Variants in AKAP19 observed in about 807,000 individuals in gnomAD.
AKAP19 encodes the protein A-kinase anchoring protein 19.
the AKAP19 span, among the ~76,000 whole-genome samples, chr2:189,990,192 T>C: frequency 5.9e-5 from 9 of 152,162 alleles, no homozygotes; most frequent in Non-Finnish European, 8.8e-5. Context: ...AAAGCAGACA[T>C]TTTTGCCTTG....
chr2:189,951,356 C>G, the AKAP19 span, among the ~76,000 whole-genome samples: 2 of 152,000 alleles, frequency 1.3e-5, no homozygotes, highest in Admixed American at 1.3e-4. Context: ...CATGTGCCAG[C>G]GCACCCGGCT....
At chr2:190,171,010 G>T in the AKAP19 span, among the ~76,000 whole-genome samples, 1 of 152,040 alleles carries the variant, frequency 6.6e-6, no homozygotes, top group Admixed American at 6.6e-5. Context: ...CTATCTGATG[G>T]GCTCCCAGGA....
the AKAP19 span, among the ~76,000 whole-genome samples, chr2:189,983,948 T>A: frequency 6.0e-5 from 9 of 149,326 alleles, no homozygotes; most frequent in African/African-American, 2.0e-4. Context: ...AACCAGCAAG[T>A]TTTTTTTAGG....
chr2:190,071,176 G>T, the AKAP19 span, among the ~76,000 whole-genome samples: 12 of 152,252 alleles, frequency 7.9e-5, no homozygotes, highest in African/African-American at 2.6e-4. Flanking sequence ...GGCTGGACAT[G>T]GTGGCTCACA....
At chr2:190,133,202 C>A in the AKAP19 span, among the ~76,000 whole-genome samples, 2 of 131,802 alleles carry the variant, frequency 1.5e-5, no homozygotes, top group Non-Finnish European at 3.1e-5. Context: ...CACGCCACTG[C>A]ACTCCAGCCT....
the AKAP19 span, among the ~76,000 whole-genome samples, chr2:189,946,352 A>G: frequency 6.6e-6 from 1 of 152,210 alleles, no homozygotes; most frequent in Admixed American, 6.5e-5. Context: ...GCTCATGCCT[A>G]TAATCCCAAT....
the AKAP19 span, among the ~76,000 whole-genome samples, chr2:190,048,575 A>G: frequency 1.3e-5 from 2 of 152,236 alleles, no homozygotes; most frequent in Non-Finnish European, 2.9e-5. Flanking sequence ...TACAACTAGT[A>G]TATATCCATA....
chr2:189,899,365 C>T, the AKAP19 span, among the ~76,000 whole-genome samples: 2 of 152,168 alleles, frequency 1.3e-5, no homozygotes, highest in East Asian at 1.9e-4. Context: ...CTTAGTAATT[C>T]TGTTTTGTAT....
the AKAP19 span, among the ~76,000 whole-genome samples, chr2:189,925,274 G>T: frequency 6.6e-6 from 1 of 152,158 alleles, no homozygotes; most frequent in African/African-American, 2.4e-5. Context: ...TGTAATCCTC[G>T]GTGGTTTAGT....
the AKAP19 span, among the ~76,000 whole-genome samples, chr2:189,988,005 G>T: frequency 6.6e-6 from 1 of 151,946 alleles, no homozygotes; most frequent in East Asian, 1.9e-4. Flanking sequence ...GTGGATGGGG[G>T]TGGTGGCGGG....
chr2:190,159,341 T>G, the AKAP19 span, among the ~76,000 whole-genome samples: 1 of 152,216 alleles, frequency 6.6e-6, no homozygotes, highest in African/African-American at 2.4e-5. Context: ...AGTACTGTTG[T>G]GCTGAGCCTT....
the AKAP19 span, among the ~76,000 whole-genome samples, chr2:190,026,376 TG>T: frequency 6.6e-6 from 1 of 152,206 alleles, no homozygotes; most frequent in African/African-American, 2.4e-5. Context: ...ATCCCCACAA[TG>T]TAACTTTATC....
chr2:190,167,500 T>G, the AKAP19 span, among the ~76,000 whole-genome samples: 1 of 152,214 alleles, frequency 6.6e-6, no homozygotes, highest in African/African-American at 2.4e-5. Context: ...CATTTCAGCA[T>G]TAATTCAGAA....
At chr2:189,941,565 A>C in the AKAP19 span, among the ~76,000 whole-genome samples, 1 of 152,222 alleles carries the variant, frequency 6.6e-6, no homozygotes, top group Non-Finnish European at 1.5e-5. Context: ...AATATAAAAT[A>C]AAATAACTTT....
At chr2:190,038,904 C>CTTTCTTTCT in the AKAP19 span, among the ~76,000 whole-genome samples, 136 of 89,828 alleles carry the variant, frequency 1.5e-3, 1 homozygote, top group African/African-American at 3.8e-3. Flanking sequence ...TTCTTTCTTT[C>CTTTCTTTCT]TTCTTCTTCT....
At chr2:189,950,038 T>TTTTC in the AKAP19 span, among the ~76,000 whole-genome samples, 1 of 144,186 alleles carries the variant, frequency 6.9e-6, no homozygotes, top group African/African-American at 2.6e-5. Flanking sequence ...GTTTTTTTTT[T>TTTTC]TTTTTTTGAG....
chr2:189,943,548 A>G, the AKAP19 span, among the ~76,000 whole-genome samples: 6,319 of 152,306 alleles, frequency 0.041, 417 homozygotes, highest in African/African-American at 0.14. Context: ...GCCCCCACAC[A>G]GAGTCCCCAA....
the AKAP19 span, among the ~76,000 whole-genome samples, chr2:189,964,663 G>A: frequency 6.6e-6 from 1 of 152,118 alleles, no homozygotes; most frequent in African/African-American, 2.4e-5. Flanking sequence ...GTACTTTTAT[G>A]TTATGGATAT....
chr2:190,048,077 T>A, the AKAP19 span, among the ~76,000 whole-genome samples: 1 of 152,196 alleles, frequency 6.6e-6, no homozygotes, highest in African/African-American at 2.4e-5. Context: ...GAAACATCAA[T>A]CATCATACTG....
Sources: allele counts gnomAD v4.1 joint callset (sites outside exome capture counted in the v4.1 genomes callset), GRCh38; gene constraint gnomAD v4.1.1; transcripts MANE v1.5; gene names NCBI Gene and HGNC (gene_info 2026-07-23, HGNC 2026-07-21).